The following CD163L1 variants were observed in gnomAD, a reference collection of about 807,000 sequenced individuals.
The protein encoded by CD163L1 is CD163 molecule like 1.
Under a neutral mutation model 165.4 loss-of-function variants are expected in CD163L1, and 124 were observed. That is an observed-to-expected ratio of 0.75 (90% CI 0.65 to 0.87). CD163L1 has a LOEUF of 0.87. CD163L1 is among the 40% of genes least tolerant of loss of function. The pLI is 0.00. For missense variants in CD163L1, 1,525 were observed against 1,799.9 expected (o/e 0.85, Z 2.76); for synonymous variants, 585 against 662.2 (o/e 0.88, Z 1.79).
At chr12:7,319,857 C>A in the CD163L1 span, among the ~76,000 whole-genome samples, 1 of 152,156 alleles carries the variant, frequency 6.6e-6, no homozygotes, top group Admixed American at 6.5e-5. Flanking sequence ...AATAAGAATA[C>A]TTTTATTTTA....
At chr12:7,404,898 G>C (rs947286736) in intron 5 of CD163L1, among the ~76,000 whole-genome samples, 24 of 152,086 alleles carry the variant, frequency 1.6e-4, no homozygotes, top group African/African-American at 5.3e-4. Flanking sequence ...GCAACTTGGA[G>C]ATTGATTTAT....
chr12:7,402,497 C>T (rs956054911), intron 6 of CD163L1, among the ~76,000 whole-genome samples: 1 of 152,034 alleles, frequency 6.6e-6, no homozygotes, highest in Non-Finnish European at 1.5e-5. Context: ...TAAACAGCAT[C>T]GTTGGAAATG....
intron 8 of CD163L1, among the ~76,000 whole-genome samples, chr12:7,380,076 G>A (rs1341211464): frequency 6.6e-6 from 1 of 152,048 alleles, no homozygotes; most frequent in Admixed American, 6.6e-5. Flanking sequence ...GAAAAACAGT[G>A]GAGATTCTTT....
chr12:7,328,595 T>C, the CD163L1 span: 5,090 of 316,598 alleles, frequency 0.016, 271 homozygotes, highest in African/African-American at 0.1. Flanking sequence ...CTGACAAAGG[T>C]AATGATGATG....
intron 18 of CD163L1, among the ~76,000 whole-genome samples, chr12:7,363,337 T>G (rs1442317007): frequency 6.7e-6 from 1 of 150,344 alleles, no homozygotes; most frequent in African/African-American, 2.5e-5. Flanking sequence ...GTAGAAAGAC[T>G]ACAAATAAAG....
At chr12:7,331,976 A>G in the CD163L1 span, among the ~76,000 whole-genome samples, 4 of 152,316 alleles carry the variant, frequency 2.6e-5, no homozygotes, top group South Asian at 8.3e-4. Flanking sequence ...CAGAAGATCA[A>G]ACTACTCTGA....
At position 7,368,049 on chromosome 12, in the gene CD163L1, G is replaced by A. The variant is rs761994162; in HGVS notation, c.4183+38C>T. 4.1e-5 allele frequency: 49 copies of A among 1,196,410 alleles called. No individual in the cohort carries two copies. The highest frequency in any genetic ancestry group is 3.8e-4 in the Middle Eastern group (2 of 5,226). The allele number at this position is 1,196,410 out of a possible 1,614,324, so 74.1% of individuals were successfully genotyped here. On this transcript the variant is annotated intron_variant, in intron 17 of 19. Transcript: ENST00000313599. The surrounding 1 kb of genome is among the most constrained non-coding windows in gnomAD (Gnocchi z 4.3). ...CCATCCTGTGTGCCCTTGGTGGCAG[G>A]TAACTCACATTTTATACAATCCTAG... is the stretch of plus-strand genomic sequence containing the variant.
intron 4 of CD163L1, among the ~76,000 whole-genome samples, chr12:7,416,321 T>C (rs944708621): frequency 6.6e-6 from 1 of 152,204 alleles, no homozygotes. Flanking sequence ...ATATTAGCCC[T>C]TTGTCAGAAG....
intron 8 of CD163L1, among the ~76,000 whole-genome samples, chr12:7,379,989 AAT>A (rs942780136): frequency 6.6e-6 from 1 of 152,070 alleles, no homozygotes; most frequent in African/African-American, 2.4e-5. Context: ...ATCAAAAAAG[AAT>A]AGAGTTTTCA....
the CD163L1 span, among the ~76,000 whole-genome samples, chr12:7,331,030 T>C: frequency 6.6e-6 from 1 of 152,180 alleles, no homozygotes; most frequent in Non-Finnish European, 1.5e-5. Flanking sequence ...GAAGTCTCTT[T>C]CCTAGTGAAA....
At position 7,432,811 on chromosome 12, in the gene CD163L1, GA is replaced by G; in HGVS notation, c.446-76del. 1 of 1,272,424 alleles carries G rather than the reference GA, an allele frequency of 7.9e-7. No individual in the cohort carries two copies. The highest frequency in any genetic ancestry group is 1.1e-6 in the Non-Finnish European group (1 of 915,374). The allele number at this position is 1,272,424 out of a possible 1,614,324, so 78.8% of individuals were successfully genotyped here. A position where few individuals can be genotyped will look rare whatever the true frequency, so the allele number is the denominator to read the frequency against. On this transcript the variant is annotated intron_variant, in intron 3 of 19. Transcript: ENST00000313599. This position sits in a 1 kb window ranked among gnomAD's most constrained non-coding sequence, Gnocchi z 4.2. ...TGAAATAAAATCAAAAGGATACGTAGAAGACAGCCCTGTTATGAATGAAGTT... is the reference window on the plus strand; with the variant it reads ...TGAAATAAAATCAAAAGGATACGTAGAGACAGCCCTGTTATGAATGAAGTT...
intron 18 of CD163L1, among the ~76,000 whole-genome samples, chr12:7,360,952 G>C (rs1368729060): frequency 7.3e-6 from 1 of 136,280 alleles, no homozygotes; most frequent in Non-Finnish European, 1.6e-5. Context: ...TGGGTTTTTG[G>C]TTTTGGTTTT....
rs771667093 is a variant in CD163L1, at chr12:7,432,729, G to T, written c.453C>A (p.Ala151=). Residue 151 remains alanine, a synonymous_variant, in exon 4 of 20, where the codon GCC becomes GCA. Transcript: ENST00000313599. This position sits in a 1 kb window ranked among gnomAD's most constrained non-coding sequence, Gnocchi z 4.2. ...EDVGVNCYGE[A]NLGLRLVDGN... is the part of the protein sequence containing the mutation. The stretch of plus-strand genomic sequence containing the variant: ...CATCCACTAGCCTCAAACCCAGATT[G>T]GCTTCACCTACGAGAAAGACAAGCA... 6 of 1,597,602 alleles carry T rather than the reference G, an allele frequency of 3.8e-6. No homozygotes were observed. Among genetic ancestry groups the T allele is most frequent in the Non-Finnish European group, 5.1e-6 (6 of 1,171,708 alleles).
chr12:7,423,460 T>C lies in CD163L1; in HGVS notation c.766+8956A>G, dbSNP rs188007736. 1.3e-4 allele frequency among the ~76,000 whole-genome samples: 20 copies of C among 151,196 alleles called. No individual in the cohort carries two copies. The East Asian group carries it at 2.5e-3, about 19-fold the overall frequency. ...ATACAAATTTAGAAGCTAGCAAAAG[T>C]CAAGAAATAACTAAGATAAGAGCAA... is the stretch of plus-strand genomic sequence containing the variant. On this transcript the variant is annotated intron_variant, in intron 4 of 19. Coordinates refer to ENST00000313599, the MANE Select transcript of CD163L1 (RefSeq NM_174941.6).
Position 7,406,690 on chromosome 12 carries a change from T to C in CD163L1, c.929A>G (p.His310Arg). The change falls in exon 5 of 20, where the codon CAC becomes CGC. Residue 310 changes from histidine (H) to arginine (R), a missense_variant. Coordinates refer to ENST00000313599, the MANE Select transcript of CD163L1 (RefSeq NM_174941.6). Reference protein sequence around the residue: ...CKQLGCGTALHFAGLPHLQSG... With the variant: ...CKQLGCGTALRFAGLPHLQSG... ...CTGCAAATGAGGCAAGCCAGCGAAG[T>C]GAAGTGCGGTTCCACATCCCAACTG... is the stretch of plus-strand genomic sequence containing the variant. The C allele has an allele frequency of 2.5e-6, 4 of 1,614,074 alleles. No homozygotes were observed. The highest frequency in any genetic ancestry group is 3.4e-6 in the Non-Finnish European group (4 of 1,179,996).
chr12:7,341,189 TAGC>T, the CD163L1 span, among the ~76,000 whole-genome samples: 1 of 152,160 alleles, frequency 6.6e-6, no homozygotes, highest in East Asian at 1.9e-4. Context: ...CACAGAACAT[TAGC>T]TCTAGAAGCA....
At chr12:7,337,958 A>G in the CD163L1 span, among the ~76,000 whole-genome samples, 1 of 152,244 alleles carries the variant, frequency 6.6e-6, no homozygotes, top group African/African-American at 2.4e-5. Context: ...AACGTGGCAC[A>G]TATACACCAT....
chr12:7,426,330 T>C (rs1948542233), intron 4 of CD163L1, among the ~76,000 whole-genome samples: 1 of 152,006 alleles, frequency 6.6e-6, no homozygotes, highest in South Asian at 2.1e-4. Flanking sequence ...TTAGGACGAA[T>C]ACCTAATGCA....
intron 14 of CD163L1, 110 bp downstream of exon 14, chr12:7,373,210 G>T: frequency 2.3e-6 from 2 of 866,838 alleles, no homozygotes; most frequent in Non-Finnish European, 3.6e-6. Context: ...TTATTGTCAT[G>T]CACTTTTCAG....
Sources: allele counts gnomAD v4.1 joint callset (sites outside exome capture counted in the v4.1 genomes callset), GRCh38; gene constraint gnomAD v4.1.1; non-coding constraint Gnocchi (gnomAD v3.1); transcripts MANE v1.5; gene names NCBI Gene and HGNC (gene_info 2026-07-23, HGNC 2026-07-21).